Variants in CGAS observed in about 807,000 individuals in gnomAD.
CGAS encodes 2'3'-cGAMP synthase.
In CGAS, 31 loss-of-function variants were observed where a neutral mutation model predicts 34.0. That is an observed-to-expected ratio of 0.91 (90% CI 0.69 to 1.23). CGAS has a LOEUF of 1.23. CGAS is among the 50% of genes most tolerant of loss of function. CGAS has a pLI of 0.00. For synonymous variants in CGAS, 266 were observed against 260.0 expected (o/e 1.02, Z -0.22); for missense variants, 597 against 657.6 (o/e 0.91, Z 1.01).
At chr6:73,442,158 CCA>C (rs1770389989) in intron 2 of CGAS, among the ~76,000 whole-genome samples, 2 of 152,078 alleles carry the variant, frequency 1.3e-5, no homozygotes, top group African/African-American at 4.8e-5. Flanking sequence ...CAAGTGTGAG[CCA>C]CTGTGCCTGG....
intron 3 of CGAS, among the ~76,000 whole-genome samples, chr6:73,438,443 A>T (rs577819754): frequency 9.8e-4 from 149 of 152,304 alleles, no homozygotes; most frequent in Non-Finnish European, 1.8e-3. Flanking sequence ...CACGCCTGTA[A>T]TCCCAGCACT....
intron 3 of CGAS, among the ~76,000 whole-genome samples, chr6:73,438,182 G>C (rs1486110410): frequency 6.6e-6 from 1 of 152,162 alleles, no homozygotes; most frequent in Non-Finnish European, 1.5e-5. Context: ...AGATATAGCA[G>C]GTGTTATAAG....
At chr6:73,449,768 G>A (rs1377197403) in intron 1 of CGAS, among the ~76,000 whole-genome samples, 4 of 151,978 alleles carry the variant, frequency 2.6e-5, no homozygotes, top group Admixed American at 2.0e-4. Flanking sequence ...GGCCGAGGCA[G>A]GTGGATCATC....
chr6:73,426,753 C>T (rs1466536613), intron 4 of CGAS, among the ~76,000 whole-genome samples: 2 of 151,926 alleles, frequency 1.3e-5, no homozygotes, highest in Admixed American at 6.6e-5. Context: ...TTAAGAGTAC[C>T]ATAGATAATC....
At position 73,451,918 on chromosome 6, in the gene CGAS, G is replaced by A. The variant is rs766963669; in HGVS notation, c.264C>T (p.Ala88=). 1.1e-5 allele frequency: 16 copies of A among 1,512,828 alleles called. No individual in the cohort carries two copies. Among genetic ancestry groups the A allele is most frequent in the Non-Finnish European group, 1.4e-5 (16 of 1,127,232 alleles). The allele number at this position is 1,512,828 out of a possible 1,614,324, so 93.7% of individuals were successfully genotyped here. A position where few individuals can be genotyped will look rare whatever the true frequency, so the allele number is the denominator to read the frequency against. Residue 88 remains alanine (A), a synonymous_variant, in exon 1 of 5, where the codon GCC becomes GCT. Coordinates refer to ENST00000370315, the MANE Select transcript of CGAS (RefSeq NM_138441.3). ...TGGCGTCAGACGGCTGCGTGTCCTG[G>A]GCGCGCTGAGGGGCCTTTTTGGCGC... is the stretch of plus-strand genomic sequence containing the variant. ...GARAKKAPQR[A]QDTQPSDATS...
chr6:73,448,084 T>C (rs533063891), intron 1 of CGAS, among the ~76,000 whole-genome samples: 28 of 152,298 alleles, frequency 1.8e-4, no homozygotes, highest in African/African-American at 6.7e-4. Context: ...TCTTTACCAG[T>C]TAATATACCA....
intron 3 of CGAS, among the ~76,000 whole-genome samples, chr6:73,433,757 G>T (rs1311268280): frequency 1.4e-5 from 2 of 147,190 alleles, no homozygotes; most frequent in African/African-American, 2.5e-5. Flanking sequence ...AAAGTGCTGG[G>T]ATTACAGGCG....
At chr6:73,428,328 G>C (rs1770125025) in intron 4 of CGAS, among the ~76,000 whole-genome samples, 1 of 151,912 alleles carries the variant, frequency 6.6e-6, no homozygotes, top group Non-Finnish European at 1.5e-5. Context: ...TCTAATAAGA[G>C]CGACCTTTTG....
chr6:73,441,082 C>CTTTTTTT (rs570875136), intron 2 of CGAS, among the ~76,000 whole-genome samples: 1 of 136,256 alleles, frequency 7.3e-6, no homozygotes, highest in South Asian at 2.3e-4. Flanking sequence ...TTTTCTTTTT[C>CTTTTTTT]TTTTTTTTTT....
intron 1 of CGAS, among the ~76,000 whole-genome samples, chr6:73,449,625 A>G (rs1270486406): frequency 1.3e-5 from 2 of 152,340 alleles, no homozygotes; most frequent in Admixed American, 6.5e-5. Context: ...TGATACTTAC[A>G]TAATAAGAAT....
chr6:73,444,146 C>G (rs773941229), intron 2 of CGAS, among the ~76,000 whole-genome samples: 1 of 151,820 alleles, frequency 6.6e-6, no homozygotes, highest in Non-Finnish European at 1.5e-5. Flanking sequence ...TCCACCACCA[C>G]GCCTGGCTAA....
At chr6:73,450,116 G>GAAGAC (rs773067988) in intron 1 of CGAS, among the ~76,000 whole-genome samples, 7 of 148,400 alleles carry the variant, frequency 4.7e-5, no homozygotes, top group African/African-American at 1.7e-4. Context: ...GAAGAGAAGA[G>GAAGAC]AAAAAAGAAG....
chr6:73,450,135 A>G (rs1022869193), intron 1 of CGAS, among the ~76,000 whole-genome samples: 2 of 148,754 alleles, frequency 1.3e-5, no homozygotes, highest in Admixed American at 1.3e-4. Flanking sequence ...AGAGAAAAGA[A>G]GCCGGGTGTG....
chr6:73,437,468 T>C (rs1770298330), intron 3 of CGAS, among the ~76,000 whole-genome samples: 1 of 152,150 alleles, frequency 6.6e-6, no homozygotes. Flanking sequence ...AGAGGACTTC[T>C]TGCTATGTTA....
chr6:73,448,220 C>T (rs1770500953), intron 1 of CGAS, among the ~76,000 whole-genome samples: 1 of 151,942 alleles, frequency 6.6e-6, no homozygotes, highest in African/African-American at 2.4e-5. Context: ...GGAGAAACCC[C>T]ATCTCTACTA....
chr6:73,438,951 T>A (rs1036689963), intron 3 of CGAS, among the ~76,000 whole-genome samples: 1 of 152,180 alleles, frequency 6.6e-6, no homozygotes, highest in Non-Finnish European at 1.5e-5. Context: ...AAAACATGAA[T>A]AATGATATAT....
intron 1 of CGAS, among the ~76,000 whole-genome samples, chr6:73,451,316 A>G (rs140840411): frequency 1.3e-3 from 195 of 152,320 alleles, no homozygotes; most frequent in Non-Finnish European, 2.3e-3. Flanking sequence ...ATTAGCCAGC[A>G]ATCAGTACCG....
At chr6:73,429,300 A>G (rs1770142997) in intron 3 of CGAS, among the ~76,000 whole-genome samples, 1 of 152,090 alleles carries the variant, frequency 6.6e-6, no homozygotes, top group Admixed American at 6.5e-5. Flanking sequence ...ACACTGAGAC[A>G]AAAAATGGGC....
chr6:73,452,032 CT>C lies in CGAS; in HGVS notation c.149del (p.Lys50SerfsTer123). ...ATCCCGACTTCCTGGCGGGGCCGAA[CT>C]TTCCCGCCTTAGGCAGGGCGGCCTC... ...APEAALPKAG[K>X]FGPARKSGSR... On this transcript the variant is annotated frameshift_variant, in exon 1 of 5. Transcript: ENST00000370315. LOFTEE classifies it high-confidence loss of function. 1 of 1,494,782 alleles carries C rather than the reference CT, an allele frequency of 6.7e-7. No homozygotes were observed. The highest frequency in any genetic ancestry group is 1.3e-5 in the South Asian group (1 of 76,614). 92.6% of individuals were successfully genotyped at this position (1,494,782 alleles called of 1,614,324 possible).
Sources: gnomAD v4.1 joint callset for allele counts (sites outside exome capture counted in the v4.1 genomes callset) on GRCh38, gnomAD v4.1.1 for gene constraint, MANE v1.5 for transcripts, NCBI Gene and HGNC (gene_info 2026-07-23, HGNC 2026-07-21) for gene names.